Variants in HAO1 observed in about 807,000 individuals in gnomAD.
HAO1 encodes 2-Hydroxyacid oxidase 1.
HAO1 carries 34 observed loss-of-function variants against 39.7 expected under a neutral mutation model. That is an observed-to-expected ratio of 0.86 (90% CI 0.65 to 1.14). The LOEUF is 1.14. HAO1 is among the 50% of genes most tolerant of loss of function. The pLI is 0.00. For synonymous variants in HAO1, 172 were observed against 173.2 expected (o/e 0.99, Z 0.05); for missense variants, 479 against 464.5 (o/e 1.03, Z -0.29).
rs1261086214 is a variant in HAO1, at chr20:7,885,721, C to A, written c.957G>T (p.Trp319Cys). Residue 319 changes from tryptophan to cysteine, a missense_variant, in exon 6 of 8, where the codon TGG (tryptophan) becomes TGT (cysteine). Trp to Cys is a radical substitution (Grantham distance 215). Coordinates refer to ENST00000378789, the MANE Select transcript of HAO1 (RefSeq NM_017545.3). ...GTCCAGTTACCTGGAAAGCTAAGCC[C>A]CAAACGATTGGTCTCCCCACAAACA... ...KAVFVGRPIV[W>C]GLAFQGEKGV... 3 of 1,613,268 alleles carry A rather than the reference C, an allele frequency of 1.9e-6. No homozygotes were observed. In the East Asian group the frequency reaches 6.7e-5, roughly 36 times the overall value.
At chr20:7,909,192 T>C (rs2050263680) in intron 3 of HAO1, among the ~76,000 whole-genome samples, 1 of 151,748 alleles carries the variant, frequency 6.6e-6, no homozygotes, top group Non-Finnish European at 1.5e-5. Flanking sequence ...AATGTTGCCT[T>C]ACAGAAATTT....
intron 5 of HAO1, 55 bp from the exon 6 acceptor site, chr20:7,885,919 A>G: frequency 6.8e-7 from 1 of 1,472,820 alleles, no homozygotes; most frequent in Non-Finnish European, 9.5e-7. Context: ...TTGTTATTCA[A>G]CTCCACCTCC....
chr20:7,895,517 C>T (rs751335481), intron 4 of HAO1, among the ~76,000 whole-genome samples: 2 of 151,102 alleles, frequency 1.3e-5, no homozygotes, highest in African/African-American at 4.9e-5. Context: ...AGGGTATACT[C>T]TTGCTAAATA....
chr20:7,889,507 T>C (rs2050164442), intron 5 of HAO1, among the ~76,000 whole-genome samples: 1 of 152,234 alleles, frequency 6.6e-6, no homozygotes, highest in Non-Finnish European at 1.5e-5. Context: ...GATCACATTA[T>C]AACCATGAGG....
At chr20:7,919,234 T>G (rs2050320424) in intron 2 of HAO1, among the ~76,000 whole-genome samples, 1 of 152,224 alleles carries the variant, frequency 6.6e-6, no homozygotes, top group Non-Finnish European at 1.5e-5. Context: ...AACACTGATC[T>G]TGTATGAAAT....
chr20:7,914,543 T>A, intron 2 of HAO1, 124 bp from the exon 3 acceptor site: 2 of 991,190 alleles, frequency 2.0e-6, no homozygotes, highest in Non-Finnish European at 2.9e-6. Flanking sequence ...TCAAATCTCT[T>A]AAAGAGAGAA....
chr20:7,886,180 T>C (rs2050150459), intron 5 of HAO1, among the ~76,000 whole-genome samples: 2 of 148,288 alleles, frequency 1.3e-5, no homozygotes, highest in South Asian at 4.2e-4. Flanking sequence ...CATAACTTTT[T>C]TGTTTTTTTT....
chr20:7,927,310 C>G (rs2050363847), intron 2 of HAO1, among the ~76,000 whole-genome samples: 1 of 152,006 alleles, frequency 6.6e-6, no homozygotes, highest in Admixed American at 6.6e-5. Context: ...ATTGCTATTT[C>G]CTTCCATATG....
chr20:7,887,509 C>T (rs1264733489), intron 5 of HAO1, among the ~76,000 whole-genome samples: 1 of 152,168 alleles, frequency 6.6e-6, no homozygotes, highest in Non-Finnish European at 1.5e-5. Flanking sequence ...TCCCTTTTAG[C>T]TTTTCTGCCT....
intron 3 of HAO1, 126 bp downstream of exon 3, chr20:7,914,038 A>C: frequency 1.0e-6 from 1 of 995,078 alleles, no homozygotes; most frequent in East Asian, 2.5e-5. Flanking sequence ...ATGTCTACAA[A>C]AGGGATGTGA....
At position 7,895,163 on chromosome 20, in the gene HAO1, C is replaced by G. The variant is rs1568510238; in HGVS notation, c.783G>C (p.Gly261=). 1 of 1,612,558 alleles carries G rather than the reference C, an allele frequency of 6.2e-7. No individual in the cohort carries two copies. The highest frequency in any genetic ancestry group is 8.5e-7 in the Non-Finnish European group (1 of 1,178,756). ...GLNGILVSNH[G]ARQLDGVPAT... ...CTGGCACCCCATCGAGTTGTCGAGC[C>G]CCATGATTCGACACCAAGATCCCAT... Residue 261 remains glycine (G), a synonymous_variant, in exon 5 of 8, where the codon GGG becomes GGC. Coordinates refer to ENST00000378789, the MANE Select transcript of HAO1 (RefSeq NM_017545.3).
chr20:7,931,778 C>T (rs1054874519), intron 2 of HAO1, among the ~76,000 whole-genome samples: 4 of 152,226 alleles, frequency 2.6e-5, no homozygotes, highest in South Asian at 2.1e-4. Flanking sequence ...TCTTTCTTCT[C>T]AGCCCAACTC....
intron 2 of HAO1, among the ~76,000 whole-genome samples, chr20:7,919,650 A>G (rs962657613): frequency 6.6e-6 from 1 of 152,168 alleles, no homozygotes; most frequent in Non-Finnish European, 1.5e-5. Flanking sequence ...TGTTCTGCCT[A>G]CTTCATAGCA....
intron 5 of HAO1, among the ~76,000 whole-genome samples, chr20:7,888,159 C>T (rs2050158802): frequency 1.3e-5 from 2 of 152,132 alleles, no homozygotes; most frequent in African/African-American, 2.4e-5. Context: ...TACTGTTGCT[C>T]ATTCATCCCT....
chr20:7,925,773 A>T (rs1378670340), intron 2 of HAO1, among the ~76,000 whole-genome samples: 1 of 152,138 alleles, frequency 6.6e-6, no homozygotes, highest in Non-Finnish European at 1.5e-5. Context: ...TTCTGAGAAG[A>T]AGCAATCTCA....
intron 2 of HAO1, among the ~76,000 whole-genome samples, chr20:7,916,559 G>A (rs1204463120): frequency 1.3e-5 from 2 of 152,214 alleles, no homozygotes; most frequent in Non-Finnish European, 2.9e-5. Context: ...TTCTGGTCCA[G>A]TAAGTCTGAG....
At chr20:7,905,638 G>C (rs530762888) in intron 4 of HAO1, among the ~76,000 whole-genome samples, 1 of 152,302 alleles carries the variant, frequency 6.6e-6, no homozygotes, top group South Asian at 2.1e-4. Context: ...CTTGATAATT[G>C]AGCATTTGAC....
intron 5 of HAO1, among the ~76,000 whole-genome samples, chr20:7,887,534 T>C (rs1331820127): frequency 6.6e-6 from 1 of 152,206 alleles, no homozygotes; most frequent in Non-Finnish European, 1.5e-5. Flanking sequence ...AAACATGCTT[T>C]GGATCTATTT....
chr20:7,906,779 G>A (rs925364850), intron 3 of HAO1, among the ~76,000 whole-genome samples: 2 of 152,108 alleles, frequency 1.3e-5, no homozygotes, highest in Non-Finnish European at 2.9e-5. Flanking sequence ...AAGACTCTTA[G>A]AAAGTAACAT....
Sources: gnomAD v4.1 joint callset for allele counts (sites outside exome capture counted in the v4.1 genomes callset) on GRCh38, gnomAD v4.1.1 for gene constraint, MANE v1.5 for transcripts, NCBI Gene and HGNC (gene_info 2026-07-23, HGNC 2026-07-21) for gene names.